Variants in PRKAR1B observed in about 807,000 individuals in gnomAD.
The protein encoded by PRKAR1B is cAMP-dependent protein kinase type I-beta regulatory subunit.
A neutral mutation model predicts 46.5 loss-of-function variants in PRKAR1B; 22 were observed. The ratio of observed to expected loss-of-function variants is 0.47; its 90% CI spans 0.34 to 0.68. The LOEUF (loss-of-function observed/expected upper bound fraction) is 0.68. Ranked by LOEUF, PRKAR1B falls within the 30% of genes least tolerant of loss-of-function variation. PRKAR1B has a pLI of 0.01. For synonymous variants in PRKAR1B, 259 were observed against 217.7 expected (o/e 1.19, Z -1.67); for missense variants, 445 against 535.6 (o/e 0.83, Z 1.67).
At position 593,357 on chromosome 7, in the gene PRKAR1B, G is replaced by A. The variant is rs1180292569; in HGVS notation, c.708+2789C>T. ...AAACAGGAGCTGTGTGAGGAGCTCG[G>A]GGCCAATACAGAAACAGACACCATC... On this transcript the variant is annotated intron_variant, in intron 7 of 10. Transcript: ENST00000537384. The surrounding 1 kb of genome is among the most constrained non-coding windows in gnomAD (Gnocchi z 6.1). Among the ~76,000 whole-genome samples the A allele has an allele frequency of 3.9e-5, 6 of 152,180 alleles. No homozygotes were observed. The highest frequency in any genetic ancestry group is 1.4e-4 in the African/African-American group (6 of 41,444).
At chr7:608,623 AGGGCTGGGGGGCCTCC>A (rs1328523481) in intron 4 of PRKAR1B, 6 of 51,312 alleles carry the variant, frequency 1.2e-4, no homozygotes, top group Non-Finnish European at 3.0e-4. Context: ...GGCTGTAGGG[AGGGCTGGGGGGCCTCC>A]ACTGTCCTCC....
At chr7:594,143 C>T (rs1395976305) in intron 7 of PRKAR1B, among the ~76,000 whole-genome samples, 1 of 152,176 alleles carries the variant, frequency 6.6e-6, no homozygotes, top group Non-Finnish European at 1.5e-5. Context: ...TGCCCTTGGG[C>T]GTCCTGGAAC....
At chr7:561,209 C>T (rs997860293) in intron 9 of PRKAR1B, among the ~76,000 whole-genome samples, 2 of 151,446 alleles carry the variant, frequency 1.3e-5, no homozygotes, top group Non-Finnish European at 2.9e-5. Flanking sequence ...CACACACATG[C>T]ACACACAGGC....
intron 4 of PRKAR1B, among the ~76,000 whole-genome samples, chr7:674,704 CA>C: frequency 6.6e-6 from 1 of 152,230 alleles, no homozygotes; most frequent in South Asian, 2.1e-4. Context: ...TAACTCTCTC[CA>C]TGCCTAGCTA....
intron 2 of PRKAR1B, among the ~76,000 whole-genome samples, chr7:697,260 G>A (rs1178474072): frequency 2.0e-5 from 3 of 152,152 alleles, no homozygotes; most frequent in African/African-American, 2.4e-5. Flanking sequence ...CGGGGCCTGG[G>A]GTGGGGGTGG....
At chr7:566,138 C>T (rs1256120141) in intron 9 of PRKAR1B, among the ~76,000 whole-genome samples, 2 of 152,206 alleles carry the variant, frequency 1.3e-5, no homozygotes, top group African/African-American at 2.4e-5. Context: ...CCACCGCTGC[C>T]ACCTTTATCA....
chr7:551,832 C>T (rs1295388128), intron 9 of PRKAR1B, among the ~76,000 whole-genome samples: 1 of 140,074 alleles, frequency 7.1e-6, no homozygotes. Flanking sequence ...CCACCCAGGT[C>T]CTTCTCCCAG....
rs140689163 is a variant in PRKAR1B, at chr7:680,033, C to T, written c.348+523G>A. On this transcript the variant is annotated intron_variant, in intron 3 of 10. Transcript: ENST00000537384. ...ATTAGCTGGGTGTGGTGGTAGGCAC[C>T]TGTAGTCCCAGCTACTCGGGAGGCT... 3.3e-3 allele frequency among the ~76,000 whole-genome samples: 496 copies of T among 152,074 alleles called. 20 individuals are homozygous for T. In the East Asian group the frequency reaches 0.088, roughly 27 times the overall value.
At chr7:637,981 T>C (rs1562580696) in intron 4 of PRKAR1B, among the ~76,000 whole-genome samples, 3 of 152,200 alleles carry the variant, frequency 2.0e-5, no homozygotes. Context: ...GTGCATGACA[T>C]AGAGGAGTGT....
At chr7:626,649 G>C (rs954876299) in intron 4 of PRKAR1B, among the ~76,000 whole-genome samples, 1 of 151,288 alleles carries the variant, frequency 6.6e-6, no homozygotes, top group Non-Finnish European at 1.5e-5. Context: ...ATAATTCTAT[G>C]AGGACAGCTT....
chr7:578,774 C>T (rs1369544982), intron 9 of PRKAR1B: 3 of 220,522 alleles, frequency 1.4e-5, no homozygotes, highest in South Asian at 5.8e-5. Context: ...CTCCATCTCC[C>T]GGGTTCAAGC....
chr7:686,113 A>C (rs1284407664), intron 2 of PRKAR1B, among the ~76,000 whole-genome samples: 1 of 152,108 alleles, frequency 6.6e-6, no homozygotes, highest in Non-Finnish European at 1.5e-5. Flanking sequence ...ATCCTGGCTA[A>C]CACAGTGAAA....
chr7:611,829 G>T (rs940569752), intron 4 of PRKAR1B, among the ~76,000 whole-genome samples: 1 of 151,050 alleles, frequency 6.6e-6, no homozygotes, highest in African/African-American at 2.4e-5. Context: ...GTGGGTGAGC[G>T]GATGGATGGA....
At chr7:658,983 A>C (rs1018109048) in intron 4 of PRKAR1B, among the ~76,000 whole-genome samples, 4 of 152,162 alleles carry the variant, frequency 2.6e-5, no homozygotes, top group African/African-American at 9.7e-5. Context: ...TCTCGCAGTC[A>C]TTTGTAAGCT....
chr7:590,639 A>G (rs1780920403), intron 7 of PRKAR1B, among the ~76,000 whole-genome samples: 1 of 152,198 alleles, frequency 6.6e-6, no homozygotes, highest in Non-Finnish European at 1.5e-5. Context: ...TCTGGGTCAG[A>G]GCAGCACTAA....
At chr7:665,534 G>A (rs554359434) in intron 4 of PRKAR1B, among the ~76,000 whole-genome samples, 9 of 152,292 alleles carry the variant, frequency 5.9e-5, no homozygotes, top group East Asian at 3.9e-4. Context: ...CCGGGCTCAC[G>A]TGGCCCCTGA....
chr7:722,208 C>G (rs1781099659), intron 1 of PRKAR1B, among the ~76,000 whole-genome samples: 3 of 144,766 alleles, frequency 2.1e-5, no homozygotes, highest in Admixed American at 1.5e-4. Flanking sequence ...TCAGGCAATT[C>G]TCGTGCCTCA....
chr7:578,589 C>T (rs551372564), intron 9 of PRKAR1B, among the ~76,000 whole-genome samples: 1 of 152,294 alleles, frequency 6.6e-6, no homozygotes, highest in East Asian at 1.9e-4. Context: ...GGCCGGGATG[C>T]GGACGCGGTG....
At chr7:609,199 C>T (rs542520430) in intron 4 of PRKAR1B, among the ~76,000 whole-genome samples, 11 of 152,288 alleles carry the variant, frequency 7.2e-5, no homozygotes, top group South Asian at 6.2e-4. Flanking sequence ...CCCTGGTGCA[C>T]GCATCTGCAG....
Sources: allele counts gnomAD v4.1 joint callset (sites outside exome capture counted in the v4.1 genomes callset), GRCh38; gene constraint gnomAD v4.1.1; non-coding constraint Gnocchi (gnomAD v3.1); transcripts MANE v1.5; gene names NCBI Gene and HGNC (gene_info 2026-07-23, HGNC 2026-07-21).